GPHN: variants seen among roughly 807,000 people sequenced by gnomAD.
GPHN encodes gephyrin.
A neutral mutation model predicts 95.5 loss-of-function variants in GPHN; 17 were observed. The observed-to-expected ratio is 0.18, with a 90% confidence interval of 0.12 to 0.27. GPHN has a LOEUF of 0.27. GPHN is among the 10% of genes least tolerant of loss of function. The pLI is 1.00. For missense variants in GPHN, 660 were observed against 978.1 expected, an observed-to-expected ratio of 0.67 and a Z score of 4.34; for synonymous variants, 320 against 322.5, an observed-to-expected ratio of 0.99 and a Z score of 0.08.
At chr14:67,555,330 G>A in the GPHN span, among the ~76,000 whole-genome samples, 1 of 152,232 alleles carries the variant, frequency 6.6e-6, no homozygotes, top group Non-Finnish European at 1.5e-5. Flanking sequence ...AGGCAGAGGT[G>A]CCCTCGACTG....
At chr14:66,608,316 G>T (rs1423790566) in intron 1 of GPHN, among the ~76,000 whole-genome samples, 1 of 151,622 alleles carries the variant, frequency 6.6e-6, no homozygotes, top group East Asian at 1.9e-4. Context: ...CTTGGTGTTG[G>T]TTTTTGTTTT....
chr14:67,087,134 G>A (rs1222316719), intron 11 of GPHN, among the ~76,000 whole-genome samples: 1 of 151,602 alleles, frequency 6.6e-6, no homozygotes, highest in East Asian at 1.9e-4. Flanking sequence ...TTATATATGT[G>A]ATTCATACAG....
chr14:66,567,263 G>A (rs1436565052), intron 1 of GPHN, among the ~76,000 whole-genome samples: 1 of 152,132 alleles, frequency 6.6e-6, no homozygotes, highest in Non-Finnish European at 1.5e-5. Context: ...ATCAGTCTTA[G>A]GTCTTTTTAG....
At chr14:67,117,012 T>C (rs993713641) in intron 16 of GPHN, among the ~76,000 whole-genome samples, 2 of 152,252 alleles carry the variant, frequency 1.3e-5, no homozygotes, top group Admixed American at 6.5e-5. Flanking sequence ...TATCTGGGTG[T>C]ATCCATAATA....
intron 3 of GPHN, among the ~76,000 whole-genome samples, chr14:66,785,688 C>T (rs763199596): frequency 1.4e-5 from 2 of 144,972 alleles, no homozygotes; most frequent in Non-Finnish European, 3.0e-5. Flanking sequence ...ATAGTATGTC[C>T]TCTGACCATA....
At chr14:67,068,810 A>T (rs958915486) in intron 11 of GPHN, among the ~76,000 whole-genome samples, 1 of 152,196 alleles carries the variant, frequency 6.6e-6, no homozygotes, top group Non-Finnish European at 1.5e-5. Flanking sequence ...AATACTGACC[A>T]CAGCACAAAG....
intron 8 of GPHN, among the ~76,000 whole-genome samples, chr14:66,927,239 C>T (rs1198465339): frequency 6.6e-6 from 1 of 151,668 alleles, no homozygotes; most frequent in African/African-American, 2.4e-5. Context: ...GTCCCAGCTA[C>T]TCAGGAGGCT....
chr14:66,848,260 G>A (rs915802708), intron 4 of GPHN, among the ~76,000 whole-genome samples: 8 of 151,990 alleles, frequency 5.3e-5, no homozygotes, highest in Non-Finnish European at 8.8e-5. Flanking sequence ...ATTCATAGCC[G>A]TAGTAGTACA....
At chr14:67,635,049 A>G in the GPHN span, among the ~76,000 whole-genome samples, 1 of 152,142 alleles carries the variant, frequency 6.6e-6, no homozygotes, top group African/African-American at 2.4e-5. Flanking sequence ...GTTTGAGACC[A>G]GCCTCGGTAA....
chr14:67,247,771 G>A, the GPHN span, among the ~76,000 whole-genome samples: 11 of 152,104 alleles, frequency 7.2e-5, 1 homozygote, highest in South Asian at 2.3e-3. Flanking sequence ...TAGAGACAGG[G>A]CTTCACCATG....
intron 1 of GPHN, among the ~76,000 whole-genome samples, chr14:66,556,043 A>G (rs1000519406): frequency 6.6e-6 from 1 of 152,198 alleles, no homozygotes; most frequent in African/African-American, 2.4e-5. Flanking sequence ...ACAAACCTGT[A>G]TAAATGTTAC....
At chr14:66,700,247 TG>T (rs948234692) in intron 2 of GPHN, among the ~76,000 whole-genome samples, 2 of 152,054 alleles carry the variant, frequency 1.3e-5, no homozygotes, top group African/African-American at 2.4e-5. Context: ...GAGATTGAGG[TG>T]GGACTATACA....
intron 10 of GPHN, among the ~76,000 whole-genome samples, chr14:67,029,339 CTTTT>C (rs71446327): frequency 3.6e-5 from 5 of 139,164 alleles, no homozygotes; most frequent in African/African-American, 1.3e-4. Flanking sequence ...TATCATTATT[CTTTT>C]TTTTTTTTTT....
the GPHN span, chr14:67,395,532 A>C: frequency 6.2e-7 from 1 of 1,614,122 alleles, no homozygotes; most frequent in Non-Finnish European, 8.5e-7. Flanking sequence ...TCTCGAGAAC[A>C]GGCCTCCAGG....
chr14:67,544,269 C>T, the GPHN span, among the ~76,000 whole-genome samples: 3,334 of 152,252 alleles, frequency 0.022, 55 homozygotes, highest in Non-Finnish European at 0.033. Context: ...AGAGTCTCCC[C>T]TGAGAACCTG....
the GPHN span, among the ~76,000 whole-genome samples, chr14:67,536,888 A>G: frequency 6.6e-6 from 1 of 151,628 alleles, no homozygotes; most frequent in South Asian, 2.1e-4. Flanking sequence ...TAGAAATACA[A>G]AAATTAGCCA....
chr14:66,971,414 G>A lies in GPHN; in HGVS notation c.963+6089G>A, dbSNP rs188115868. Among the ~76,000 whole-genome samples the A allele has an allele frequency of 8.9e-4, 135 of 152,156 alleles. 1 individual carries two copies. In the East Asian group the frequency reaches 0.022, roughly 25 times the overall value. ...AATAAGTATATTTTCCACAACCAAA[G>A]AAAATCTGAAAATAATGGCATTGTT... On this transcript the variant is annotated intron_variant, in intron 9 of 22. Transcript: ENST00000478722.
chr14:67,634,398 GC>G, the GPHN span, among the ~76,000 whole-genome samples: 1 of 148,506 alleles, frequency 6.7e-6, no homozygotes, highest in East Asian at 2.0e-4. Context: ...TTCAAGACCA[GC>G]CTGGGTAGCA....
At chr14:67,725,773 A>G in the GPHN span, among the ~76,000 whole-genome samples, 3 of 152,330 alleles carry the variant, frequency 2.0e-5, no homozygotes, top group Admixed American at 2.0e-4. Flanking sequence ...ATGAATGAAC[A>G]ATGTCCAGGA....
Sources: allele counts gnomAD v4.1 joint callset (sites outside exome capture counted in the v4.1 genomes callset), GRCh38; gene constraint gnomAD v4.1.1; transcripts MANE v1.5; gene names NCBI Gene and HGNC (gene_info 2026-07-23, HGNC 2026-07-21).